LRRD1: variants seen among roughly 807,000 people sequenced by gnomAD.
LRRD1 encodes the protein leucine-rich repeat and death domain-containing protein 1.
Under a neutral mutation model 69.5 loss-of-function variants are expected in LRRD1, and 49 were observed. The observed-to-expected ratio is 0.70, with a 90% CI of 0.56 to 0.89. The LOEUF is 0.89. Ranked by LOEUF, LRRD1 falls within the 40% of genes least tolerant of loss-of-function variation. The pLI is 0.00. For missense variants in LRRD1, 853 were observed against 956.0 expected (o/e 0.89, Z 1.42); for synonymous variants, 303 against 338.9 (o/e 0.89, Z 1.16).
At chr7:92,150,911 A>G (rs1200946691) in intron 3 of LRRD1, among the ~76,000 whole-genome samples, 1 of 152,212 alleles carries the variant, frequency 6.6e-6, no homozygotes, top group East Asian at 1.9e-4. Context: ...GCAAAATGAG[A>G]CAGAGACTAT....
intron 1 of LRRD1, 121 bp from the exon 2 acceptor site, chr7:92,165,397 A>G: frequency 3.2e-6 from 1 of 314,242 alleles, no homozygotes; most frequent in Non-Finnish European, 5.7e-6. Context: ...TACATTTATA[A>G]CAAACTAATT....
At chr7:92,143,838 G>A (rs1002805158), downstream of LRRD1, among the ~76,000 whole-genome samples, 5 of 152,248 alleles carry the variant, frequency 3.3e-5, no homozygotes, top group African/African-American at 4.8e-5. Context: ...CAGAGGAGGC[G>A]CCGAGAGCGA....
chr7:92,145,495 A>G (rs1343226251), intron 5 of LRRD1, among the ~76,000 whole-genome samples: 1 of 142,230 alleles, frequency 7.0e-6, no homozygotes, highest in East Asian at 2.0e-4. Flanking sequence ...GCTGGAGTGC[A>G]GTAGCACGAT....
At chr7:92,168,265 G>T (rs1346400200) in intron 1 of LRRD1, among the ~76,000 whole-genome samples, 1 of 152,176 alleles carries the variant, frequency 6.6e-6, no homozygotes, top group Non-Finnish European at 1.5e-5. Flanking sequence ...GATCAAGGTG[G>T]ACAGCTGGCT....
chr7:92,146,249 T>C (rs1353230444), intron 4 of LRRD1, 49 bp from the exon 5 acceptor site: 3 of 892,998 alleles, frequency 3.4e-6, no homozygotes, highest in East Asian at 5.5e-5. Flanking sequence ...AAAGATAATC[T>C]ATTTTGAGTT....
chr7:92,145,121 T>C (rs1049421251), intron 5 of LRRD1, 47 bp from the exon 6 acceptor site: 2 of 923,088 alleles, frequency 2.2e-6, no homozygotes, highest in South Asian at 8.5e-5. Flanking sequence ...TTTATTAACG[T>C]TTAATATATT....
chr7:92,164,601 G>T lies in LRRD1; in HGVS notation c.602C>A (p.Ser201Ter). ...EILSLQENGL[S>*]SLPSEIQLLH... ...TAACTGAATTTCAGATGGAAGTGAT[G>T]ATAATCCATTTTCTTGCAGGGATAG... The change falls in exon 2 of 6, where the codon TCA (serine) becomes TAA (stop). Residue 201 changes from serine to a stop codon, truncating the protein, a stop_gained. Coordinates refer to ENST00000458448, the MANE Select transcript of LRRD1 (RefSeq NM_001161528.2). LOFTEE classifies it high-confidence loss of function. 1 of 1,551,472 alleles carries T rather than the reference G, an allele frequency of 6.4e-7. No homozygotes were observed. Among genetic ancestry groups the T allele is most frequent in the Non-Finnish European group, 8.7e-7 (1 of 1,146,658 alleles).
At chr7:92,142,203 A>G (rs562501134), downstream of LRRD1, 129 of 269,474 alleles carry the variant, frequency 4.8e-4, no homozygotes, top group South Asian at 4.4e-3. Flanking sequence ...CAGCCTCCCA[A>G]AGTGCTGGGA....
Position 92,164,848 on chromosome 7 carries a change from G to A in LRRD1, c.355C>T (p.His119Tyr), listed in dbSNP as rs1359447253. The A allele has an allele frequency of 1.9e-6, 3 of 1,551,490 alleles. No individual in the cohort carries two copies. The African/African-American group carries it at 4.1e-5, about 21-fold the overall frequency. The change falls in exon 2 of 6, where the codon CAT becomes TAT. Residue 119 changes from histidine (H) to tyrosine (Y), a missense_variant. Transcript: ENST00000458448. ...EYQALVNFLS[H>Y]ETVGEVSPQV... ...GGACTAACTTCTCCTACTGTTTCAT[G>A]AGATAGGAAGTTAACCAAAGCCTGA...
chr7:92,153,501 T>C (rs1328978059), intron 3 of LRRD1, among the ~76,000 whole-genome samples: 1 of 152,010 alleles, frequency 6.6e-6, no homozygotes, highest in East Asian at 1.9e-4. Context: ...AAATATTTTC[T>C]TCCAATCCAT....
chr7:92,176,963 A>T (rs180969968), intron 1 of LRRD1, among the ~76,000 whole-genome samples: 2,911 of 148,512 alleles, frequency 0.02, 45 homozygotes, highest in Non-Finnish European at 0.027. Context: ...TATATATATA[A>T]AACAAGAATA....
intron 4 of LRRD1, among the ~76,000 whole-genome samples, chr7:92,148,823 C>A (rs1333145804): frequency 1.3e-5 from 2 of 151,984 alleles, no homozygotes; most frequent in African/African-American, 4.8e-5. Context: ...TCTCGGCTCA[C>A]TGCAACCTCT....
intron 1 of LRRD1, among the ~76,000 whole-genome samples, chr7:92,174,499 ATATATATATATTTTTT>A (rs1488488855): frequency 5.3e-5 from 1 of 18,778 alleles, no homozygotes; most frequent in African/African-American, 2.3e-4. Context: ...ATATATATAT[ATATATATATATTTTTT>A]TTTTTTTTTT....
At chr7:92,158,484 TA>T (rs1378072511) in intron 3 of LRRD1, among the ~76,000 whole-genome samples, 1 of 152,176 alleles carries the variant, frequency 6.6e-6, no homozygotes, top group Non-Finnish European at 1.5e-5. Flanking sequence ...ATCAACGCAG[TA>T]TTTGTTGTAC....
intron 4 of LRRD1, among the ~76,000 whole-genome samples, chr7:92,149,476 A>G (rs1820412309): frequency 1.3e-5 from 2 of 152,190 alleles, no homozygotes; most frequent in Non-Finnish European, 2.9e-5. Flanking sequence ...AGCCCCAGGG[A>G]AAGAATTGGA....
chr7:92,165,627 G>A lies in LRRD1; in HGVS notation c.-74-351C>T, dbSNP rs548498968. 1.2e-4 allele frequency among the ~76,000 whole-genome samples: 19 copies of A among 152,086 alleles called. No individual in the cohort carries two copies. In the East Asian group the frequency reaches 2.1e-3, roughly 17 times the overall value. On this transcript the variant is annotated intron_variant, in intron 1 of 5. Transcript: ENST00000458448. ...TGTAATCCCAGCACTTTGGGAGGCC[G>A]AAGGGGCGGATCACTTTAGGTCAGG...
chr7:92,149,987 G>A (rs1488087194), intron 4 of LRRD1: 2 of 434,648 alleles, frequency 4.6e-6, no homozygotes, highest in African/African-American at 4.0e-5. Flanking sequence ...GTAGGAAACA[G>A]CCCACCCCTC....
intron 2 of LRRD1, among the ~76,000 whole-genome samples, chr7:92,160,490 A>C (rs936714878): frequency 6.6e-6 from 1 of 152,214 alleles, no homozygotes; most frequent in African/African-American, 2.4e-5. Flanking sequence ...ACTAAAGTAA[A>C]GCTTCATGTA....
At chr7:92,147,725 T>G (rs1820363007) in intron 4 of LRRD1, among the ~76,000 whole-genome samples, 1 of 152,056 alleles carries the variant, frequency 6.6e-6, no homozygotes, top group Non-Finnish European at 1.5e-5. Flanking sequence ...ACAAAGGTAC[T>G]GTGAGTTTTT....
Sources: gnomAD v4.1 joint callset for allele counts (sites outside exome capture counted in the v4.1 genomes callset) on GRCh38, gnomAD v4.1.1 for gene constraint, MANE v1.5 for transcripts, NCBI Gene and HGNC (gene_info 2026-07-23, HGNC 2026-07-21) for gene names.